Variants in JPH2 observed in about 807,000 individuals in gnomAD.
JPH2 encodes junctophilin-2.
Under a neutral mutation model 55.9 loss-of-function variants are expected in JPH2, and 38 were observed. The observed-to-expected ratio is 0.68, with a 90% CI of 0.52 to 0.89. JPH2 has a LOEUF of 0.89. Among genes scored for constraint, JPH2 ranks in the 40% least tolerant of loss-of-function variants. The pLI is 0.00. For synonymous variants in JPH2, 480 were observed against 472.4 expected, an observed-to-expected ratio of 1.02 and a Z score of -0.21; for missense variants, 964 against 1,037.6, an observed-to-expected ratio of 0.93 and a Z score of 0.97.
In JPH2 at chr20:44,115,685, C is replaced by T. The variant is rs886039086; in HGVS notation, c.1990G>A (p.Ala664Thr). 6.8e-6 allele frequency: 11 copies of T among 1,612,904 alleles called. No homozygotes were observed. The highest frequency in any genetic ancestry group is 8.5e-6 in the Non-Finnish European group (10 of 1,180,028). Residue 664 changes from alanine to threonine, a missense_variant, in exon 4 of 6, where the codon GCG becomes ACG. Ala to Thr is a moderately conservative substitution (Grantham distance 58, BLOSUM62 0). Transcript: ENST00000372980. ...ARKEAALAAE[A>T]EVEVEEVPNT... is the part of the protein sequence containing the mutation. ...CTCACCTCTTCCACCTCCACCTCCG[C>T]CTCTGCCGCCAGTGCGGCCTCCTTC...
chr20:44,118,378 T>C, intron 3 of JPH2, 127 bp downstream of exon 3: 1 of 796,094 alleles, frequency 1.3e-6, no homozygotes, highest in South Asian at 1.3e-5. Context: ...ATTTGCACCA[T>C]GCCCCAGTTT....
At chr20:44,151,955 C>A (rs115841862) in intron 2 of JPH2, among the ~76,000 whole-genome samples, 2,482 of 152,290 alleles carry the variant, frequency 0.016, 60 homozygotes, top group African/African-American at 0.047. Context: ...CAGAGGTGGC[C>A]CCTGCAGGGA....
At chr20:44,127,534 G>T (rs1295566850) in intron 2 of JPH2, among the ~76,000 whole-genome samples, 1 of 148,476 alleles carries the variant, frequency 6.7e-6, no homozygotes, top group Non-Finnish European at 1.5e-5. Context: ...CGCCCAGGCT[G>T]GAGTGCAGTG....
At chr20:44,138,327 C>T (rs1316548762) in intron 2 of JPH2, among the ~76,000 whole-genome samples, 1 of 131,178 alleles carries the variant, frequency 7.6e-6, no homozygotes, top group Non-Finnish European at 1.7e-5. Flanking sequence ...TTTAATGCGT[C>T]TCTTACACGC....
chr20:44,185,676 T>TGGATGGAA (rs1569225766), intron 1 of JPH2, among the ~76,000 whole-genome samples: 1 of 148,488 alleles, frequency 6.7e-6, no homozygotes, highest in East Asian at 2.0e-4. Flanking sequence ...CATAGATGGA[T>TGGATGGAA]GGATGGATGG....
At chr20:44,140,332 TC>T (rs2072446339) in intron 2 of JPH2, among the ~76,000 whole-genome samples, 1 of 152,084 alleles carries the variant, frequency 6.6e-6, no homozygotes, top group African/African-American at 2.4e-5. Flanking sequence ...TTCTGACAAA[TC>T]CCTTCTAGAG....
At chr20:44,177,683 C>G (rs2072746164) in intron 1 of JPH2, 5 of 1,269,878 alleles carry the variant, frequency 3.9e-6, no homozygotes, top group Non-Finnish European at 5.0e-6. Flanking sequence ...GGAATCATGT[C>G]TGGCATGGAT....
At chr20:44,145,825 G>A (rs999860301) in intron 2 of JPH2, among the ~76,000 whole-genome samples, 1 of 151,982 alleles carries the variant, frequency 6.6e-6, no homozygotes, top group Non-Finnish European at 1.5e-5. Flanking sequence ...CCGACTCCCT[G>A]CACAACCCTA....
intron 2 of JPH2, among the ~76,000 whole-genome samples, chr20:44,146,127 G>A (rs540640835): frequency 6.6e-5 from 10 of 151,184 alleles, no homozygotes; most frequent in African/African-American, 2.2e-4. Flanking sequence ...TCCGCCTCCC[G>A]GGTTCACGCC....
chr20:44,116,444 TG>T, intron 3 of JPH2, 58 bp from the exon 4 acceptor site: 1 of 1,534,468 alleles, frequency 6.5e-7, no homozygotes, highest in Non-Finnish European at 8.8e-7. Context: ...TGGGTGATCC[TG>T]GGCCAGCCAC....
rs114157543 is a variant in JPH2, at chr20:44,145,092, C to G, written c.1169+14526G>C. ...TGGCCTGAACTCACTGACCCTGGGG[C>G]AGCCACTAGCATTCTCATTTTTACC... On this transcript the variant is annotated intron_variant, in intron 2 of 5. Transcript: ENST00000372980. 1.6e-3 allele frequency among the ~76,000 whole-genome samples: 237 copies of G among 152,280 alleles called. 1 individual carries two copies. Among genetic ancestry groups the G allele is most frequent in the African/African-American group, 5.6e-3 (232 of 41,552 alleles).
rs1023462840 is a variant in JPH2 at position 44,107,882 on chromosome 20, C to A, written c.*5636G>T. ...AGTAATTTCTAAACCCTTAGGATAT[C>A]CTGATTAACAGGAGTGTCTTTGTTA... On this transcript the variant is annotated 3_prime_UTR_variant, in exon 6 of 6. Transcript: ENST00000372980. Among the ~76,000 whole-genome samples, 4 of 152,168 alleles carry A rather than the reference C, an allele frequency of 2.6e-5. No homozygotes were observed. Among genetic ancestry groups the A allele is most frequent in the African/African-American group, 9.7e-5 (4 of 41,436 alleles).
rs936442101 is a variant in JPH2 at position 44,176,791 on chromosome 20, T to TA, written c.379+9535dup. Reference sequence around the variant, plus strand: ...CCTGGGTGACAGAGCAAGACCCTGTTAAAAAAAAGAAAAAGAAAAAAAAGG... The same window carrying TA: ...CCTGGGTGACAGAGCAAGACCCTGTTAAAAAAAAAGAAAAAGAAAAAAAAGG... On this transcript the variant is annotated intron_variant, in intron 1 of 5. Coordinates refer to ENST00000372980, the MANE Select transcript of JPH2 (RefSeq NM_020433.5). 89 of 884,334 alleles carry TA rather than the reference T, an allele frequency of 1.0e-4. No homozygotes were observed. The South Asian group carries it at 1.0e-3, about 10-fold the overall frequency. 54.8% of individuals were successfully genotyped at this position (884,334 alleles called of 1,614,324 possible).
chr20:44,117,375 G>T (rs1239498214), intron 3 of JPH2, among the ~76,000 whole-genome samples: 1 of 152,178 alleles, frequency 6.6e-6, no homozygotes, highest in African/African-American at 2.4e-5. Flanking sequence ...TCTCTACCAA[G>T]GCCGGGAGGT....
At chr20:44,173,504 T>C (rs940882043) in intron 1 of JPH2, among the ~76,000 whole-genome samples, 2 of 152,170 alleles carry the variant, frequency 1.3e-5, no homozygotes, top group Admixed American at 1.3e-4. Flanking sequence ...TTCCAAACTT[T>C]CAGAGACATA....
intron 3 of JPH2, among the ~76,000 whole-genome samples, chr20:44,117,550 A>G (rs2072202543): frequency 6.6e-6 from 1 of 152,252 alleles, no homozygotes; most frequent in Admixed American, 6.5e-5. Context: ...TCAGACTAGC[A>G]GTATCCACAT....
At chr20:44,146,750 G>A (rs949823565) in intron 2 of JPH2, among the ~76,000 whole-genome samples, 3 of 152,144 alleles carry the variant, frequency 2.0e-5, no homozygotes, top group African/African-American at 7.2e-5. Flanking sequence ...CTGGGTTCAC[G>A]GAACACCAGA....
intron 5 of JPH2, among the ~76,000 whole-genome samples, chr20:44,114,194 C>T (rs1459716741): frequency 2.0e-5 from 3 of 152,100 alleles, no homozygotes; most frequent in Non-Finnish European, 4.4e-5. Flanking sequence ...CCCCCAGCTC[C>T]ATCATGGGGA....
At position 44,115,976 on chromosome 20, in the gene JPH2, G is replaced by C; in HGVS notation, c.1699C>G (p.His567Asp). 1 of 1,577,274 alleles carries C rather than the reference G, an allele frequency of 6.3e-7. No homozygotes were observed. The highest frequency in any genetic ancestry group is 1.1e-5 in the South Asian group (1 of 88,544). The change falls in exon 4 of 6, where the codon CAC becomes GAC. Residue 567 changes from histidine (H) to aspartate (D), a missense_variant. By Grantham distance (81) the His-to-Asp change is moderately conservative. Transcript: ENST00000372980. ...EPEVALYQGY[H>D]SYAVRTTPPE... The stretch of plus-strand genomic sequence containing the variant: ...GGCGTGGTGCGCACAGCATAGCTGT[G>C]GTAGCCCTGGTAAAGCGCCACCTCC...
Sources: gnomAD v4.1 joint callset for allele counts (sites outside exome capture counted in the v4.1 genomes callset) on GRCh38, gnomAD v4.1.1 for gene constraint, MANE v1.5 for transcripts, NCBI Gene and HGNC (gene_info 2026-07-23, HGNC 2026-07-21) for gene names.